The following METTL25 variants were observed in gnomAD, a reference collection of about 807,000 sequenced individuals.
METTL25 encodes the protein methyltransferase like 25.
Under a neutral mutation model 71.6 loss-of-function variants are expected in METTL25, and 64 were observed. The ratio of observed to expected loss-of-function variants is 0.89; its 90% CI spans 0.73 to 1.10. The LOEUF is 1.10. Ranked by LOEUF, METTL25 falls within the 50% of genes least tolerant of loss-of-function variation. The pLI is 0.00. For missense variants in METTL25, 807 were observed against 707.0 expected (o/e 1.14, Z -1.60); for synonymous variants, 287 against 250.3 (o/e 1.15, Z -1.38).
chr12:82,468,653 T>G (rs972106554), intron 9 of METTL25: 2 of 152,184 alleles, frequency 1.3e-5, no homozygotes, highest in African/African-American at 4.8e-5. Context: ...TCTGGATTAG[T>G]AGATCCCATG....
chr12:82,433,514 G>A (rs567499087), intron 6 of METTL25, among the ~76,000 whole-genome samples: 4 of 151,496 alleles, frequency 2.6e-5, no homozygotes, highest in South Asian at 2.1e-4. Context: ...AACCATTTCC[G>A]TGAAGCCAGT....
At chr12:82,446,218 A>G (rs1890725160) in intron 8 of METTL25, among the ~76,000 whole-genome samples, 1 of 152,218 alleles carries the variant, frequency 6.6e-6, no homozygotes, top group Non-Finnish European at 1.5e-5. Flanking sequence ...TTGCAATACA[A>G]TAATAATAGG....
At chr12:82,390,819 T>C (rs574943104) in intron 3 of METTL25, among the ~76,000 whole-genome samples, 110 of 152,198 alleles carry the variant, frequency 7.2e-4, no homozygotes, top group African/African-American at 1.8e-3. Flanking sequence ...ATGGCAATGA[T>C]ACTTAGCCGG....
At chr12:82,377,183 T>G (rs1318136400) in intron 1 of METTL25, among the ~76,000 whole-genome samples, 1 of 152,194 alleles carries the variant, frequency 6.6e-6, no homozygotes, top group Non-Finnish European at 1.5e-5. Context: ...TCTTTTTTTC[T>G]GTTCATCTCA....
intron 1 of METTL25, among the ~76,000 whole-genome samples, chr12:82,371,245 G>A (rs994549057): frequency 1.3e-5 from 2 of 152,198 alleles, no homozygotes; most frequent in Non-Finnish European, 2.9e-5. Flanking sequence ...AAAAGTACCC[G>A]AGGCTCAGTG....
At chr12:82,404,049 A>G (rs1001983024) in intron 5 of METTL25, among the ~76,000 whole-genome samples, 5 of 152,136 alleles carry the variant, frequency 3.3e-5, no homozygotes, top group African/African-American at 2.4e-5. Context: ...AAACATTGTA[A>G]TTGTTTAATT....
intron 3 of METTL25, among the ~76,000 whole-genome samples, chr12:82,392,947 G>C (rs1254089832): frequency 6.6e-6 from 1 of 151,938 alleles, no homozygotes; most frequent in Non-Finnish European, 1.5e-5. Context: ...GTAAATGCAT[G>C]GATTTAATTC....
At chr12:82,477,241 T>C in intron 10 of METTL25, 40 bp from the exon 11 acceptor site, 1 of 900,102 alleles carries the variant, frequency 1.1e-6, no homozygotes, top group Non-Finnish European at 1.7e-6. Context: ...CTTTTTTTTT[T>C]AAGTACCACC....
intron 1 of METTL25, among the ~76,000 whole-genome samples, chr12:82,359,074 G>C (rs1427775402): frequency 2.0e-5 from 3 of 152,210 alleles, no homozygotes; most frequent in Non-Finnish European, 4.4e-5. Flanking sequence ...CAGGGCAGGG[G>C]AGTTCCTTCA....
At chr12:82,361,410 C>T (rs549857333) in intron 1 of METTL25, among the ~76,000 whole-genome samples, 11 of 152,348 alleles carry the variant, frequency 7.2e-5, no homozygotes, top group East Asian at 3.9e-4. Flanking sequence ...CCATGCCGTG[C>T]GCCCGCACTC....
intron 5 of METTL25, among the ~76,000 whole-genome samples, chr12:82,419,957 A>C (rs1398302013): frequency 6.6e-6 from 1 of 152,308 alleles, no homozygotes; most frequent in East Asian, 1.9e-4. Flanking sequence ...ATATGGAATC[A>C]TTTCATCTCC....
chr12:82,388,778 G>A (rs1885299020), intron 2 of METTL25: 1 of 152,108 alleles, frequency 6.6e-6, no homozygotes, highest in South Asian at 2.1e-4. Flanking sequence ...CCATCCTGGA[G>A]TAATCAGCAT....
intron 4 of METTL25, among the ~76,000 whole-genome samples, chr12:82,402,692 C>A (rs1406746155): frequency 6.6e-6 from 1 of 152,016 alleles, no homozygotes; most frequent in African/African-American, 2.4e-5. Context: ...ATCTTTAAAT[C>A]ATTAAATCAT....
intron 7 of METTL25, among the ~76,000 whole-genome samples, chr12:82,436,227 A>C (rs1889906456): frequency 6.6e-6 from 1 of 151,496 alleles, no homozygotes; most frequent in Admixed American, 6.6e-5. Flanking sequence ...AGTGTGTTCT[A>C]GTTCCCTTAA....
chr12:82,401,623 C>T (rs772488036), intron 4 of METTL25, among the ~76,000 whole-genome samples: 85 of 151,888 alleles, frequency 5.6e-4, no homozygotes, highest in Non-Finnish European at 9.3e-4. Context: ...TCATTAATAA[C>T]TATTTCTTTA....
intron 1 of METTL25, among the ~76,000 whole-genome samples, chr12:82,378,711 C>G (rs1884133780): frequency 6.6e-6 from 1 of 152,122 alleles, no homozygotes; most frequent in Non-Finnish European, 1.5e-5. Context: ...GACAAAGAAT[C>G]CTTTATGTGC....
chr12:82,374,686 A>G (rs889461906), intron 1 of METTL25, among the ~76,000 whole-genome samples: 4 of 152,246 alleles, frequency 2.6e-5, no homozygotes, highest in Admixed American at 6.5e-5. Flanking sequence ...GTATGTGGGC[A>G]TTCCAAGTGT....
At position 82,368,319 on chromosome 12, in the gene METTL25, T is replaced by G. The variant is rs144407902; in HGVS notation, c.259+9495T>G. 2.6e-5 allele frequency among the ~76,000 whole-genome samples: 4 copies of G among 152,032 alleles called. No individual in the cohort carries two copies. The East Asian group carries it at 7.7e-4, about 29-fold the overall frequency. Reference sequence around the variant, plus strand: ...TCATTTAACCAATATGGTGCCTACATTTTTTTTAGCCAACATTTCAAGATT... The same window carrying G: ...TCATTTAACCAATATGGTGCCTACAGTTTTTTTAGCCAACATTTCAAGATT... On this transcript the variant is annotated intron_variant, in intron 1 of 11. Coordinates refer to ENST00000248306, the MANE Select transcript of METTL25 (RefSeq NM_032230.3).
intron 8 of METTL25, among the ~76,000 whole-genome samples, chr12:82,454,640 GA>G (rs1469542984): frequency 2.0e-5 from 3 of 151,910 alleles, no homozygotes; most frequent in Non-Finnish European, 4.4e-5. Context: ...AGTGTATTTT[GA>G]AAGGGAAAAC....
Sources: gnomAD v4.1 joint callset for allele counts (sites outside exome capture counted in the v4.1 genomes callset) on GRCh38, gnomAD v4.1.1 for gene constraint, MANE v1.5 for transcripts, NCBI Gene and HGNC (gene_info 2026-07-23, HGNC 2026-07-21) for gene names.